The following SASH1 variants were observed in gnomAD, a reference collection of about 807,000 sequenced individuals.
The protein encoded by SASH1 is SAM and SH3 domain-containing protein 1.
A neutral mutation model predicts 125.2 loss-of-function variants in SASH1; 44 were observed. The ratio of observed to expected loss-of-function variants is 0.35; its 90% CI spans 0.28 to 0.45. The LOEUF (loss-of-function observed/expected upper bound fraction) is 0.45. Ranked by LOEUF, SASH1 falls within the 20% of genes least tolerant of loss-of-function variation. The pLI, the probability that SASH1 is intolerant of heterozygous loss-of-function variation, is 1.00. For missense variants in SASH1, 1,426 were observed against 1,614.5 expected (o/e 0.88, Z 2.00); for synonymous variants, 639 against 649.1 (o/e 0.98, Z 0.24).
intron 1 of SASH1, among the ~76,000 whole-genome samples, chr6:148,332,714 C>T (rs1781031028): frequency 1.3e-5 from 2 of 152,160 alleles, no homozygotes; most frequent in Non-Finnish European, 2.9e-5. Flanking sequence ...TGGCCGGGTG[C>T]GGTGGCTCAT....
In SASH1 at chr6:148,550,966, G is replaced by A. The variant is rs1209023048; in HGVS notation, c.*2408G>A. The A allele has an allele frequency of 6.6e-6, 1 of 152,582 alleles. No homozygotes were observed. The highest frequency in any genetic ancestry group is 6.5e-5 in the Admixed American group (1 of 15,274). The allele number at this position is 152,582 out of a possible 1,614,324, so 9.5% of individuals were successfully genotyped here. Reference sequence around the variant, plus strand: ...GTCGCAGCAGAAGAGGGAACTTTCTGGAGTTTTTGAGAATGCCAAACCACA... The same window carrying A: ...GTCGCAGCAGAAGAGGGAACTTTCTAGAGTTTTTGAGAATGCCAAACCACA... On this transcript the variant is annotated 3_prime_UTR_variant, in exon 20 of 20. Transcript: ENST00000367467.
intron 8 of SASH1, among the ~76,000 whole-genome samples, chr6:148,505,160 C>T (rs1296382870): frequency 6.6e-6 from 1 of 152,210 alleles, no homozygotes; most frequent in Non-Finnish European, 1.5e-5. Context: ...AGAGAAGAAA[C>T]ATGCCCACAG....
At chr6:148,356,019 A>G (rs1054838652) in intron 1 of SASH1, among the ~76,000 whole-genome samples, 1 of 149,546 alleles carries the variant, frequency 6.7e-6, no homozygotes, top group African/African-American at 2.5e-5. Context: ...TTTATACCTC[A>G]TCCTCTTCCA....
the SASH1 span, among the ~76,000 whole-genome samples, chr6:148,259,176 A>G: frequency 6.6e-6 from 1 of 152,190 alleles, no homozygotes; most frequent in Admixed American, 6.5e-5. Flanking sequence ...CTCCTGTTCC[A>G]GGAGAGCTTG....
At chr6:148,535,309 C>A (rs1414905401) in intron 16 of SASH1, among the ~76,000 whole-genome samples, 1 of 152,010 alleles carries the variant, frequency 6.6e-6, no homozygotes, top group Non-Finnish European at 1.5e-5. Flanking sequence ...ACAGTTTTCC[C>A]AAAAAAATGG....
chr6:148,377,278 C>T (rs185095557), intron 1 of SASH1, among the ~76,000 whole-genome samples: 4 of 151,748 alleles, frequency 2.6e-5, no homozygotes, highest in Admixed American at 2.0e-4. Context: ...AGTGGCATTC[C>T]TCCTGGTCTC....
In SASH1 at chr6:148,532,192, C is replaced by T; in HGVS notation, c.1564+531C>T. 6.6e-6 allele frequency among the ~76,000 whole-genome samples: 1 copy of T among 152,108 alleles called. No individual in the cohort carries two copies. Among genetic ancestry groups the T allele is most frequent in the East Asian group, 1.9e-4 (1 of 5,196 alleles). On this transcript the variant is annotated intron_variant, in intron 13 of 19. Coordinates refer to ENST00000367467, the MANE Select transcript of SASH1 (RefSeq NM_015278.5). This position sits in a 1 kb window ranked among gnomAD's most constrained non-coding sequence, Gnocchi z 4.7. ...TCCCTGGCTCAAGGGATCCTCCTGC[C>T]TCAGCCTTCCGCATAGCTGTACTAC...
At chr6:148,392,328 T>G (rs528168562) in intron 2 of SASH1, among the ~76,000 whole-genome samples, 1 of 151,502 alleles carries the variant, frequency 6.6e-6, no homozygotes, top group East Asian at 1.9e-4. Flanking sequence ...CTGATTCAGT[T>G]GAATCCTTAT....
chr6:148,340,619 A>G (rs1248526675), upstream of SASH1, among the ~76,000 whole-genome samples: 1 of 152,148 alleles, frequency 6.6e-6, no homozygotes, highest in Admixed American at 6.5e-5. Flanking sequence ...AGAAATGACA[A>G]TTAAAAAAAC....
chr6:148,427,150 A>G (rs549603815), intron 2 of SASH1, among the ~76,000 whole-genome samples: 2 of 152,136 alleles, frequency 1.3e-5, no homozygotes, highest in South Asian at 4.2e-4. Context: ...CTCTGTCTCA[A>G]AAAAGCAAAG....
intron 4 of SASH1, among the ~76,000 whole-genome samples, chr6:148,450,332 C>T (rs970830626): frequency 1.3e-5 from 2 of 152,026 alleles, no homozygotes; most frequent in Admixed American, 6.5e-5. Context: ...CCTAGCCCTT[C>T]TTTATTGCTC....
At chr6:148,482,703 TTTTGA>T (rs916369250) in intron 7 of SASH1, among the ~76,000 whole-genome samples, 2 of 147,666 alleles carry the variant, frequency 1.4e-5, no homozygotes, top group African/African-American at 5.1e-5. Context: ...TTTTTTTTTT[TTTTGA>T]GAGAGAGTCT....
chr6:148,501,584 C>T (rs1313287650), intron 8 of SASH1, among the ~76,000 whole-genome samples: 1 of 152,198 alleles, frequency 6.6e-6, no homozygotes. Context: ...AGATTACCTT[C>T]CCAACACTTT....
chr6:148,421,153 GAAAGAAAGAAAGA>G (rs1562396429), intron 2 of SASH1, among the ~76,000 whole-genome samples: 1,063 of 81,064 alleles, frequency 0.013, 31 homozygotes, highest in African/African-American at 0.03. Context: ...AAGGAAGAAA[GAAAGAAAGAAAGA>G]AAGAAAGAAA....
chr6:148,400,066 T>G (rs1388884528), intron 2 of SASH1, among the ~76,000 whole-genome samples: 1 of 152,244 alleles, frequency 6.6e-6, no homozygotes, highest in Non-Finnish European at 1.5e-5. Context: ...GGCAGTATGA[T>G]CTGAAGTGAG....
intron 1 of SASH1, among the ~76,000 whole-genome samples, chr6:148,376,378 G>A (rs1410441291): frequency 6.6e-6 from 1 of 152,010 alleles, no homozygotes; most frequent in Non-Finnish European, 1.5e-5. Flanking sequence ...GCGTCTTTCT[G>A]ACTTTGGAAA....
chr6:148,486,704 T>C (rs1462159869), intron 7 of SASH1, among the ~76,000 whole-genome samples: 4 of 145,550 alleles, frequency 2.7e-5, no homozygotes, highest in Admixed American at 2.1e-4. Flanking sequence ...CACTTGAGCT[T>C]AGGATTTTGA....
At chr6:148,535,504 G>C (rs1178673496) in intron 16 of SASH1, among the ~76,000 whole-genome samples, 1 of 152,190 alleles carries the variant, frequency 6.6e-6, no homozygotes, top group Non-Finnish European at 1.5e-5. Context: ...AAATTCATCA[G>C]CTTTCGTTAA....
chr6:148,304,664 A>G (rs1780074849), intron 1 of SASH1, among the ~76,000 whole-genome samples: 1 of 152,168 alleles, frequency 6.6e-6, no homozygotes, highest in Non-Finnish European at 1.5e-5. Context: ...TTAAAAAAAG[A>G]GAAGAAAAAG....
Sources: gnomAD v4.1 joint callset for allele counts (sites outside exome capture counted in the v4.1 genomes callset) on GRCh38, gnomAD v4.1.1 for gene constraint, Gnocchi (gnomAD v3.1) non-coding constraint, MANE v1.5 for transcripts, NCBI Gene and HGNC (gene_info 2026-07-23, HGNC 2026-07-21) for gene names.